The following DNM3 variants were observed in gnomAD, a reference collection of about 807,000 sequenced individuals.
DNM3 encodes dynamin-3.
DNM3 carries 47 observed loss-of-function variants against 101.6 expected under a neutral mutation model. The ratio of observed to expected loss-of-function variants is 0.46; its 90% CI spans 0.37 to 0.59. The LOEUF is 0.59. DNM3 is among the 20% of genes least tolerant of loss of function. DNM3 has a pLI of 0.00. For synonymous variants in DNM3, 385 were observed against 387.9 expected (o/e 0.99, Z 0.09); for missense variants, 849 against 1,085.7 (o/e 0.78, Z 3.06).
intron 14 of DNM3, among the ~76,000 whole-genome samples, chr1:172,162,651 TG>T (rs1222403633): frequency 2.0e-5 from 3 of 152,076 alleles, no homozygotes; most frequent in Non-Finnish European, 4.4e-5. Flanking sequence ...AATTTTAAAG[TG>T]TTACATTATA....
At chr1:172,026,245 A>C (rs1036773761) in intron 4 of DNM3, among the ~76,000 whole-genome samples, 1 of 152,174 alleles carries the variant, frequency 6.6e-6, no homozygotes, top group Admixed American at 6.5e-5. Context: ...AAGCATGAAG[A>C]CAAAATTAGA....
At chr1:172,355,708 A>G (rs2067419482) in intron 17 of DNM3, among the ~76,000 whole-genome samples, 2 of 152,166 alleles carry the variant, frequency 1.3e-5, no homozygotes, top group Non-Finnish European at 2.9e-5. Context: ...TTGGATATAT[A>G]ACTGAATAAA....
chr1:172,291,389 G>A (rs1340573731), intron 15 of DNM3, among the ~76,000 whole-genome samples: 3 of 152,196 alleles, frequency 2.0e-5, no homozygotes, highest in African/African-American at 7.2e-5. Context: ...AATGAACACA[G>A]GGTGGAAGTT....
intron 18 of DNM3, among the ~76,000 whole-genome samples, chr1:172,385,996 T>C (rs1263884376): frequency 6.6e-6 from 1 of 152,236 alleles, no homozygotes; most frequent in Non-Finnish European, 1.5e-5. Flanking sequence ...CAGAAGGTTA[T>C]GGATTCAACT....
rs142941897 is a variant in DNM3, at chr1:172,067,670, T to G, written c.1336-1149T>G. On this transcript the variant is annotated intron_variant, in intron 10 of 20. Transcript: ENST00000627582. ...GATTAGGGCTCCTTAAACATTTTCA[T>G]AGCATCCCATTCTCTTTCTTCCTTA... Among the ~76,000 whole-genome samples, 408 of 152,280 alleles carry G rather than the reference T, an allele frequency of 2.7e-3. 1 individual carries two copies. The highest frequency in any genetic ancestry group is 0.024 in the Middle Eastern group (7 of 294).
At chr1:172,398,224 T>C (rs2070174849) in intron 20 of DNM3, among the ~76,000 whole-genome samples, 1 of 152,198 alleles carries the variant, frequency 6.6e-6, no homozygotes, top group Admixed American at 6.5e-5. Context: ...GCATTGTCAT[T>C]GCACTCTAGT....
chr1:172,331,850 G>A (rs905211236), intron 17 of DNM3, among the ~76,000 whole-genome samples: 1 of 152,146 alleles, frequency 6.6e-6, no homozygotes, highest in Non-Finnish European at 1.5e-5. Context: ...AAAAAACAGG[G>A]AAGTGGTGTT....
At chr1:172,162,383 C>A (rs2058577396) in intron 14 of DNM3, among the ~76,000 whole-genome samples, 1 of 151,882 alleles carries the variant, frequency 6.6e-6, no homozygotes, top group Non-Finnish European at 1.5e-5. Context: ...GGGCTGCTTT[C>A]CAAACATTTG....
chr1:172,045,500 A>C (rs749128128), intron 9 of DNM3, among the ~76,000 whole-genome samples: 9 of 152,068 alleles, frequency 5.9e-5, no homozygotes, highest in Non-Finnish European at 1.2e-4. Flanking sequence ...TTCTGCCCTC[A>C]TGATGTAATT....
At chr1:172,085,163 T>C (rs1444426312) in intron 12 of DNM3, among the ~76,000 whole-genome samples, 8 of 152,064 alleles carry the variant, frequency 5.3e-5, no homozygotes, top group African/African-American at 1.7e-4. Context: ...ATAATATAGT[T>C]TCTGAGCCTG....
chr1:172,252,575 C>T (rs981152909), intron 14 of DNM3, among the ~76,000 whole-genome samples: 2 of 152,094 alleles, frequency 1.3e-5, no homozygotes, highest in African/African-American at 4.8e-5. Flanking sequence ...TGCTCTCTTT[C>T]ACGGGTAACA....
intron 11 of DNM3, among the ~76,000 whole-genome samples, chr1:172,076,079 G>A (rs2052624712): frequency 6.6e-6 from 1 of 152,112 alleles, no homozygotes; most frequent in South Asian, 2.1e-4. Context: ...TGTAGCAATT[G>A]CTAATGGGAG....
intron 4 of DNM3, 68 bp downstream of exon 4, chr1:171,989,216 CAT>C: frequency 7.3e-7 from 1 of 1,375,124 alleles, no homozygotes; most frequent in Non-Finnish European, 9.8e-7. Flanking sequence ...TTAAAGGTAA[CAT>C]AAATTCTTAA....
chr1:172,283,759 CAAAAAAAAAAA>C (rs769812358), intron 15 of DNM3, among the ~76,000 whole-genome samples: 5 of 40,300 alleles, frequency 1.2e-4, no homozygotes, highest in East Asian at 7.3e-4. Flanking sequence ...GACTCCATCT[CAAAAAAAAAAA>C]AAAAAAAAAA....
intron 2 of DNM3, among the ~76,000 whole-genome samples, chr1:171,955,017 C>A (rs1439903707): frequency 1.3e-5 from 2 of 152,160 alleles, no homozygotes; most frequent in African/African-American, 4.8e-5. Context: ...CCTTTTTAAA[C>A]ACCTGGCTCA....
chr1:172,246,006 G>A (rs1240580624), intron 14 of DNM3, among the ~76,000 whole-genome samples: 1 of 152,182 alleles, frequency 6.6e-6, no homozygotes, highest in African/African-American at 2.4e-5. Context: ...AAGGTGAAGA[G>A]GGAGCAAGCA....
At chr1:171,967,442 A>G (rs1468624665) in intron 2 of DNM3, among the ~76,000 whole-genome samples, 1 of 152,114 alleles carries the variant, frequency 6.6e-6, no homozygotes, top group Non-Finnish European at 1.5e-5. Context: ...GGCCTTAGAA[A>G]TAGGCCTCAG....
At chr1:172,051,805 G>T (rs2050223231) in intron 10 of DNM3, among the ~76,000 whole-genome samples, 1 of 152,076 alleles carries the variant, frequency 6.6e-6, no homozygotes, top group African/African-American at 2.4e-5. Context: ...TCCATCATTA[G>T]TTTTTTTATC....
At position 172,041,935 on chromosome 1, in the gene DNM3, T is replaced by C. The variant is rs2049422267; in HGVS notation, c.993-74T>C. ...CCTGGAAAAGGATTCTAAGGAATAA[T>C]CATAGGAAAAGAAAATGAAGAGTGC... On this transcript the variant is annotated intron_variant, in intron 7 of 20. Transcript: ENST00000627582. 18 of 1,474,624 alleles carry C rather than the reference T, an allele frequency of 1.2e-5. No homozygotes were observed. In the East Asian group the frequency reaches 4.2e-4, roughly 34 times the overall value. 91.3% of individuals were successfully genotyped at this position (1,474,624 alleles called of 1,614,324 possible). A position where few individuals can be genotyped will look rare whatever the true frequency, so the allele number is the denominator to read the frequency against.
Sources: allele counts gnomAD v4.1 joint callset (sites outside exome capture counted in the v4.1 genomes callset), GRCh38; gene constraint gnomAD v4.1.1; transcripts MANE v1.5; gene names NCBI Gene and HGNC (gene_info 2026-07-23, HGNC 2026-07-21).